Variants in STK4 observed in about 807,000 individuals in gnomAD.
The protein encoded by STK4 is serine/threonine-protein kinase 4.
In STK4, 30 loss-of-function variants were observed where a neutral mutation model predicts 64.9. The observed-to-expected ratio is 0.46, with a 90% CI of 0.35 to 0.63. The LOEUF is 0.63. Ranked by LOEUF, STK4 falls within the 20% of genes least tolerant of loss-of-function variation. The probability of loss-of-function intolerance (pLI) is 0.01; values close to 1 mark genes in which losing one functional copy is unlikely to be tolerated. For missense variants in STK4, 466 were observed against 598.5 expected (o/e 0.78, Z 2.31); for synonymous variants, 177 against 199.0 (o/e 0.89, Z 0.93).
Position 44,972,087 on chromosome 20 carries a change from A to G in STK4, c.45A>G (p.Lys15=), listed in dbSNP as rs759760219. The change falls in exon 2 of 11, where the codon AAA becomes AAG. Residue 15 remains lysine, a synonymous_variant. Coordinates refer to ENST00000372806, the MANE Select transcript of STK4 (RefSeq NM_006282.5). The stretch of plus-strand genomic sequence containing the variant: ...ATTTCTTTATTCACAGGCAGCTGAA[A>G]AAGTTGGATGAAGATAGTTTAACCA... ...QLRNPPRRQL[K]KLDEDSLTKQ... 1.2e-6 allele frequency: 2 copies of G among 1,613,810 alleles called. No homozygotes were observed. Among genetic ancestry groups the G allele is most frequent in the Admixed American group, 1.7e-5 (1 of 59,974 alleles).
At chr20:44,976,972 C>T (rs968409201) in intron 2 of STK4, among the ~76,000 whole-genome samples, 1 of 152,200 alleles carries the variant, frequency 6.6e-6, no homozygotes, top group African/African-American at 2.4e-5. Flanking sequence ...AGAAACCTTT[C>T]AGCAGAATTA....
chr20:44,995,709 C>A (rs1191469685), intron 6 of STK4, among the ~76,000 whole-genome samples: 5 of 151,606 alleles, frequency 3.3e-5, no homozygotes, highest in African/African-American at 1.2e-4. Flanking sequence ...AGATGATACA[C>A]CTCTACTGAC....
At chr20:45,005,024 GCCTC>G (rs1248770663) in intron 9 of STK4, among the ~76,000 whole-genome samples, 1 of 151,606 alleles carries the variant, frequency 6.6e-6, no homozygotes, top group Non-Finnish European at 1.5e-5. Context: ...GCCCGCCTTG[GCCTC>G]CCAAAGTGCT....
intron 5 of STK4, 126 bp from the exon 6 acceptor site, chr20:44,994,964 T>A (rs1301025993): frequency 4.6e-5 from 35 of 768,682 alleles, no homozygotes; most frequent in Non-Finnish European, 5.8e-5. Context: ...CATTTTTTTA[T>A]TGTTGGAAAA....
intron 10 of STK4, among the ~76,000 whole-genome samples, chr20:45,071,713 A>G (rs1424272149): frequency 6.6e-6 from 1 of 152,182 alleles, no homozygotes; most frequent in East Asian, 1.9e-4. Context: ...TGTTTATCAA[A>G]CTTGAGGATT....
intron 10 of STK4, among the ~76,000 whole-genome samples, chr20:45,048,340 G>C (rs2068726997): frequency 6.6e-6 from 1 of 152,180 alleles, no homozygotes; most frequent in African/African-American, 2.4e-5. Context: ...TAGGCATTCA[G>C]TAAATTTTAT....
At chr20:45,048,068 A>G (rs1003074216) in intron 10 of STK4, among the ~76,000 whole-genome samples, 10 of 152,194 alleles carry the variant, frequency 6.6e-5, no homozygotes, top group Admixed American at 2.0e-4. Flanking sequence ...CAGTATATAT[A>G]AGGTTCTTTT....
intron 9 of STK4, among the ~76,000 whole-genome samples, chr20:45,016,025 G>A (rs181544524): frequency 5.9e-5 from 9 of 152,156 alleles, no homozygotes; most frequent in Admixed American, 3.3e-4. Context: ...TGTTTTGTAG[G>A]TGCCACCCCA....
intron 10 of STK4, among the ~76,000 whole-genome samples, chr20:45,055,502 G>A (rs1424201886): frequency 6.6e-6 from 1 of 151,458 alleles, no homozygotes; most frequent in African/African-American, 2.4e-5. Context: ...TTTCCGGGGG[G>A]TGGGGATCAG....
chr20:45,016,883 G>A (rs1410405783), intron 9 of STK4, among the ~76,000 whole-genome samples: 2 of 152,234 alleles, frequency 1.3e-5, no homozygotes, highest in African/African-American at 2.4e-5. Flanking sequence ...CTAAGAGGCA[G>A]ATAAATCTTT....
intron 10 of STK4, among the ~76,000 whole-genome samples, chr20:45,062,972 G>A (rs1420681718): frequency 1.7e-5 from 2 of 117,568 alleles, no homozygotes; most frequent in Non-Finnish European, 3.4e-5. Flanking sequence ...TTACAGGTGT[G>A]AGCCACCGCA....
intron 10 of STK4, among the ~76,000 whole-genome samples, chr20:45,067,770 T>A (rs1979706390): frequency 6.6e-6 from 1 of 152,202 alleles, no homozygotes; most frequent in Non-Finnish European, 1.5e-5. Context: ...GTTGCTAAGG[T>A]GATTTATGAA....
At chr20:44,967,753 G>A (rs1055218210) in intron 1 of STK4, among the ~76,000 whole-genome samples, 3 of 152,210 alleles carry the variant, frequency 2.0e-5, no homozygotes, top group Non-Finnish European at 2.9e-5. Context: ...GCTTGGGGAT[G>A]TTTGAGGTGC....
chr20:45,024,229 T>A (rs1166534104), intron 9 of STK4, among the ~76,000 whole-genome samples: 2 of 151,738 alleles, frequency 1.3e-5, no homozygotes, highest in African/African-American at 4.8e-5. Flanking sequence ...AAAATGTTCA[T>A]GAGAAGTAAA....
chr20:44,994,342 A>T (rs2145681974), intron 5 of STK4, among the ~76,000 whole-genome samples: 1 of 150,804 alleles, frequency 6.6e-6, no homozygotes, highest in South Asian at 2.1e-4. Flanking sequence ...ATTATTGGTT[A>T]TTGTTTTATT....
intron 10 of STK4, among the ~76,000 whole-genome samples, chr20:45,062,789 G>A (rs1568766620): frequency 2.0e-5 from 3 of 150,392 alleles, no homozygotes; most frequent in African/African-American, 4.9e-5. Context: ...GCCATTCCCC[G>A]GCCTCAGCCT....
chr20:45,030,890 T>C (rs1457512840), intron 10 of STK4, among the ~76,000 whole-genome samples: 2 of 152,168 alleles, frequency 1.3e-5, no homozygotes, highest in Non-Finnish European at 1.5e-5. Flanking sequence ...AAACACACTG[T>C]AATATTTTAG....
chr20:44,989,668 G>A (rs2067598069), intron 5 of STK4, among the ~76,000 whole-genome samples: 1 of 152,054 alleles, frequency 6.6e-6, no homozygotes, highest in African/African-American at 2.4e-5. Context: ...AGCTAATGCA[G>A]GGTCATGGAG....
At chr20:45,047,449 G>C (rs2068714108) in intron 10 of STK4, among the ~76,000 whole-genome samples, 1 of 152,168 alleles carries the variant, frequency 6.6e-6, no homozygotes, top group South Asian at 2.1e-4. Flanking sequence ...AACATGTGCA[G>C]CCCTTAGCGA....
Sources: gnomAD v4.1 joint callset for allele counts (sites outside exome capture counted in the v4.1 genomes callset) on GRCh38, gnomAD v4.1.1 for gene constraint, MANE v1.5 for transcripts, NCBI Gene and HGNC (gene_info 2026-07-23, HGNC 2026-07-21) for gene names.